ANGPT1: variants seen among roughly 807,000 people sequenced by gnomAD.
ANGPT1 encodes angiopoietin-1.
A neutral mutation model predicts 62.2 loss-of-function variants in ANGPT1; 17 were observed. The observed-to-expected ratio is 0.27, with a 90% CI of 0.19 to 0.41. The LOEUF (loss-of-function observed/expected upper bound fraction) is 0.41, where lower values mean the gene tolerates loss of function less well. ANGPT1 is among the 10% of genes least tolerant of loss of function. The probability of loss-of-function intolerance (pLI) is 1.00; values close to 1 mark genes in which losing one functional copy is unlikely to be tolerated. For missense variants in ANGPT1, 478 were observed against 594.9 expected (o/e 0.80, Z 2.04); for synonymous variants, 199 against 198.9 (o/e 1.00, Z 0.00).
chr8:107,366,157 T>C (rs1373069862), intron 1 of ANGPT1, among the ~76,000 whole-genome samples: 1 of 152,228 alleles, frequency 6.6e-6, no homozygotes, highest in East Asian at 1.9e-4. Context: ...CCCAGTAATG[T>C]GCTAAATAGT....
chr8:107,378,216 C>T (rs1816566259), intron 1 of ANGPT1, among the ~76,000 whole-genome samples: 1 of 152,110 alleles, frequency 6.6e-6, no homozygotes, highest in African/African-American at 2.4e-5. Context: ...CTCTTTTATA[C>T]TTTGTTGTTG....
rs550917934 is a variant in ANGPT1 at position 107,456,365 on chromosome 8, C to A, written c.297+40897G>T. 2.0e-5 allele frequency among the ~76,000 whole-genome samples: 3 copies of A among 151,982 alleles called. No individual in the cohort carries two copies. The South Asian group carries it at 6.2e-4, about 32-fold the overall frequency. On this transcript the variant is annotated intron_variant, in intron 1 of 8. Coordinates refer to ENST00000517746, the MANE Select transcript of ANGPT1 (RefSeq NM_001146.5). ...GCTCAGTGGTATTCTGGGTTCAAGG[C>A]CTGAGTAAAAAGCATCTCAAGTCAA...
intron 6 of ANGPT1, 148 bp from the exon 7 acceptor site, chr8:107,284,996 G>C: frequency 1.8e-6 from 1 of 555,912 alleles, no homozygotes; most frequent in Non-Finnish European, 2.7e-6. Context: ...TCCAGTGATT[G>C]ACATTTCAAT....
intron 1 of ANGPT1, among the ~76,000 whole-genome samples, chr8:107,439,657 G>A (rs1212498152): frequency 1.3e-5 from 2 of 152,186 alleles, no homozygotes; most frequent in Admixed American, 6.5e-5. Flanking sequence ...AAATTTGCAT[G>A]TAAAAATAAA....
At chr8:107,252,315 A>G (rs918376813) in intron 8 of ANGPT1, among the ~76,000 whole-genome samples, 8 of 152,212 alleles carry the variant, frequency 5.3e-5, no homozygotes, top group African/African-American at 1.7e-4. Flanking sequence ...GCTTCAAGAT[A>G]CAATCTACAT....
At chr8:107,271,570 T>C (rs1480253772) in intron 7 of ANGPT1, among the ~76,000 whole-genome samples, 1 of 151,752 alleles carries the variant, frequency 6.6e-6, no homozygotes. Flanking sequence ...GCCAGAGAAA[T>C]TAAAGATGAA....
chr8:107,362,402 G>A (rs1380676060), intron 1 of ANGPT1, among the ~76,000 whole-genome samples: 1 of 152,126 alleles, frequency 6.6e-6, no homozygotes, highest in Non-Finnish European at 1.5e-5. Flanking sequence ...TTCTCATAGA[G>A]AAGAAATACA....
chr8:107,448,591 G>A (rs182082896), intron 1 of ANGPT1, among the ~76,000 whole-genome samples: 8 of 152,148 alleles, frequency 5.3e-5, no homozygotes, highest in East Asian at 1.9e-4. Flanking sequence ...CTCTGGAGGT[G>A]GAATTTGATA....
At chr8:107,320,979 G>T (rs1815136540) in intron 4 of ANGPT1, among the ~76,000 whole-genome samples, 2 of 152,056 alleles carry the variant, frequency 1.3e-5, no homozygotes. Context: ...ACAACAACTT[G>T]CAGATGTAAG....
chr8:107,473,113 T>C (rs1450290131), intron 1 of ANGPT1, among the ~76,000 whole-genome samples: 1 of 152,046 alleles, frequency 6.6e-6, no homozygotes, highest in Non-Finnish European at 1.5e-5. Context: ...AATTTCCCAT[T>C]GAGCCTACTT....
chr8:107,393,607 C>T (rs1020405876), intron 1 of ANGPT1, among the ~76,000 whole-genome samples: 2 of 152,042 alleles, frequency 1.3e-5, no homozygotes, highest in Admixed American at 6.6e-5. Context: ...GTCAGGAGTT[C>T]GAGACCAGCC....
chr8:107,450,845 T>A (rs532539376), intron 1 of ANGPT1, among the ~76,000 whole-genome samples: 1 of 151,736 alleles, frequency 6.6e-6, no homozygotes, highest in Non-Finnish European at 1.5e-5. Flanking sequence ...GTACTTACTC[T>A]GTGCTTGAAA....
intron 1 of ANGPT1, among the ~76,000 whole-genome samples, chr8:107,446,738 C>T (rs1025962560): frequency 6.6e-6 from 1 of 152,094 alleles, no homozygotes; most frequent in Non-Finnish European, 1.5e-5. Flanking sequence ...CTTAATAGAC[C>T]AGTTATGTGG....
Position 107,381,500 on chromosome 8 carries a change from G to A in ANGPT1, c.298-34403C>T, listed in dbSNP as rs188680255. On this transcript the variant is annotated intron_variant, in intron 1 of 8. Coordinates refer to ENST00000517746, the MANE Select transcript of ANGPT1 (RefSeq NM_001146.5). ...TTGAAAGAGAAGAGTAGGTGCCCTC[G>A]TGGAGGCACCATGCTGGGTCTTGGC... Among the ~76,000 whole-genome samples the A allele has an allele frequency of 1.7e-3, 260 of 152,254 alleles. 1 individual carries two copies. Among genetic ancestry groups the A allele is most frequent in the South Asian group, 5.4e-3 (26 of 4,830 alleles).
intron 7 of ANGPT1, among the ~76,000 whole-genome samples, chr8:107,267,353 G>T (rs1324774757): frequency 6.6e-6 from 1 of 152,014 alleles, no homozygotes; most frequent in Non-Finnish European, 1.5e-5. Context: ...CTGCCTTCAG[G>T]TATCTCTCTA....
intron 4 of ANGPT1, among the ~76,000 whole-genome samples, chr8:107,311,720 C>T (rs370899014): frequency 7.2e-4 from 110 of 152,316 alleles, no homozygotes; most frequent in Middle Eastern, 3.4e-3. Context: ...AAACGAATCT[C>T]ATGTGTATAA....
At chr8:107,403,864 A>G (rs553460232) in intron 1 of ANGPT1, among the ~76,000 whole-genome samples, 2 of 152,294 alleles carry the variant, frequency 1.3e-5, no homozygotes, top group East Asian at 1.9e-4. Context: ...ATTTTTATCA[A>G]AATTTGTTTT....
rs1813255565 is a variant in ANGPT1 at position 107,251,868 on chromosome 8, G to A, written c.1484C>T (p.Pro495Leu). Residue 495 changes from proline to leucine, a missense_variant, in exon 9 of 9, where the codon CCT becomes CTT. Around this residue, in one of 4 missense-constraint regions of ANGPT1, gnomAD observed 35 missense variants for 49.6 expected, o/e 0.71. Coordinates refer to ENST00000517746, the MANE Select transcript of ANGPT1 (RefSeq NM_001146.5). Reference sequence around the variant, plus strand: ...GACATTGCGCTTTCAAAAATCTAAAGGTCGAATCATCATAGTTGTGGAACG... The same window carrying A: ...GACATTGCGCTTTCAAAAATCTAAAAGTCGAATCATCATAGTTGTGGAACG... The part of the protein sequence containing the change: ...SLRSTTMMIR[P>L]LDF 1.2e-6 allele frequency: 2 copies of A among 1,613,698 alleles called. No individual in the cohort carries two copies. Among genetic ancestry groups the A allele is most frequent in the Non-Finnish European group, 1.7e-6 (2 of 1,179,820 alleles).
At chr8:107,319,312 T>C (rs1009684949) in intron 4 of ANGPT1, among the ~76,000 whole-genome samples, 1 of 152,254 alleles carries the variant, frequency 6.6e-6, no homozygotes, top group Middle Eastern at 3.4e-3. Context: ...TGCAGTATTA[T>C]ATTCAGGCTG....
Sources: gnomAD v4.1 joint callset for allele counts (sites outside exome capture counted in the v4.1 genomes callset) on GRCh38, gnomAD v4.1.1 for gene constraint, gnomAD v4.1.1 regional missense constraint, MANE v1.5 for transcripts, NCBI Gene and HGNC (gene_info 2026-07-23, HGNC 2026-07-21) for gene names.